The following INPP4B variants were observed in gnomAD, a reference collection of about 807,000 sequenced individuals.
INPP4B encodes the protein inositol polyphosphate-4-phosphatase type II B, also known as inositol polyphosphate 4-phosphatase type II.
Under a neutral mutation model 122.5 loss-of-function variants are expected in INPP4B, and 55 were observed. The ratio of observed to expected loss-of-function variants is 0.45; its 90% CI spans 0.36 to 0.56. INPP4B has a LOEUF of 0.56. Ranked by LOEUF, INPP4B falls within the 20% of genes least tolerant of loss-of-function variation. INPP4B has a pLI of 0.00. For missense variants in INPP4B, 1,000 were observed against 1,097.7 expected (o/e 0.91, Z 1.26); for synonymous variants, 403 against 388.7 (o/e 1.04, Z -0.43).
At chr4:142,826,337 A>T (rs1781455526) in intron 1 of INPP4B, among the ~76,000 whole-genome samples, 1 of 152,158 alleles carries the variant, frequency 6.6e-6, no homozygotes, top group African/African-American at 2.4e-5. Flanking sequence ...GACACTGCAC[A>T]AGAATCAATA....
At chr4:142,207,841 G>A (rs944282020) in intron 14 of INPP4B, among the ~76,000 whole-genome samples, 2 of 152,278 alleles carry the variant, frequency 1.3e-5, no homozygotes, top group African/African-American at 4.8e-5. Flanking sequence ...TAGAATGGTA[G>A]TAAATATGAC....
At chr4:142,757,808 A>G (rs951286689) in intron 1 of INPP4B, among the ~76,000 whole-genome samples, 5 of 152,176 alleles carry the variant, frequency 3.3e-5, no homozygotes, top group Admixed American at 1.3e-4. Flanking sequence ...GGGTAAGAAT[A>G]TATTTGGCTT....
intron 3 of INPP4B, among the ~76,000 whole-genome samples, chr4:142,442,411 C>T (rs373159003): frequency 1.3e-5 from 1 of 78,646 alleles, no homozygotes; most frequent in Non-Finnish European, 2.3e-5. Context: ...GACTCCATCT[C>T]AAAAAAAAAA....
At chr4:142,584,620 C>T (rs1174262274) in intron 2 of INPP4B, among the ~76,000 whole-genome samples, 1 of 152,100 alleles carries the variant, frequency 6.6e-6, no homozygotes, top group African/African-American at 2.4e-5. Context: ...CTCATCACAT[C>T]ATGTCAAAGG....
At chr4:142,469,119 G>A (rs1818344176) in intron 2 of INPP4B, among the ~76,000 whole-genome samples, 1 of 150,958 alleles carries the variant, frequency 6.6e-6, no homozygotes, top group South Asian at 2.1e-4. Context: ...TAGCCTTCAG[G>A]TCAACAGAAA....
intron 18 of INPP4B, among the ~76,000 whole-genome samples, chr4:142,144,739 A>T (rs901295891): frequency 6.6e-6 from 1 of 152,144 alleles, no homozygotes; most frequent in African/African-American, 2.4e-5. Context: ...AGAATACTTT[A>T]GAAAGCCATA....
intron 2 of INPP4B, among the ~76,000 whole-genome samples, chr4:142,594,231 G>T (rs1738174524): frequency 6.6e-6 from 1 of 152,014 alleles, no homozygotes; most frequent in African/African-American, 2.4e-5. Context: ...TCCCAGTGTA[G>T]ATCTTTATTC....
chr4:142,119,227 A>G (rs1249772954), intron 21 of INPP4B, among the ~76,000 whole-genome samples: 1 of 152,194 alleles, frequency 6.6e-6, no homozygotes, highest in African/African-American at 2.4e-5. Flanking sequence ...CCATTGTGGA[A>G]GACAGTGTGG....
intron 1 of INPP4B, among the ~76,000 whole-genome samples, chr4:142,825,590 T>C (rs1296446944): frequency 6.6e-6 from 1 of 152,066 alleles, no homozygotes; most frequent in Non-Finnish European, 1.5e-5. Context: ...GAAATAACCG[T>C]ACTACAAAGA....
intron 3 of INPP4B, among the ~76,000 whole-genome samples, chr4:142,450,633 C>T (rs763605628): frequency 1.2e-4 from 18 of 152,154 alleles, no homozygotes; most frequent in Non-Finnish European, 2.6e-4. Context: ...CGTTTATGTG[C>T]CATGCTCTAT....
In INPP4B at chr4:142,443,620, C is replaced by T. The variant is rs183491420; in HGVS notation, c.-126-12235G>A. On this transcript the variant is annotated intron_variant, in intron 3 of 25. Coordinates refer to ENST00000262992, the MANE Select transcript of INPP4B (RefSeq NM_001101669.3). Reference sequence around the variant, plus strand: ...ATGACGATAGAGAATGCCTCTGCCCCCGCCACCAGGCTGAGACACCAAGAA... The same window carrying T: ...ATGACGATAGAGAATGCCTCTGCCCTCGCCACCAGGCTGAGACACCAAGAA... 4.2e-3 allele frequency among the ~76,000 whole-genome samples: 644 copies of T among 152,198 alleles called. 4 individuals carry two copies. The highest frequency in any genetic ancestry group is 6.8e-3 in the Non-Finnish European group (463 of 68,026).
rs757444678 is a variant in INPP4B at position 142,502,304 on chromosome 4, G to T, written c.-190-39578C>A. 1.1e-3 allele frequency among the ~76,000 whole-genome samples: 174 copies of T among 152,190 alleles called. 1 individual carries two copies. Among genetic ancestry groups the T allele is most frequent in the Middle Eastern group, 0.01 (3 of 294 alleles). ...GGACCCAGAGCTAACATTCTTTTCT[G>T]CTGAACCCAAATTTTTAGCCTTAGC... On this transcript the variant is annotated intron_variant, in intron 2 of 25. Coordinates refer to ENST00000262992, the MANE Select transcript of INPP4B (RefSeq NM_001101669.3).
rs1737445298 is a variant in INPP4B, at chr4:142,027,713, T to C, written c.*1069A>G. The C allele has an allele frequency of 1.3e-5, 2 of 152,732 alleles. No homozygotes were observed. The highest frequency in any genetic ancestry group is 2.1e-4 in the South Asian group (1 of 4,838). 9.5% of individuals were successfully genotyped at this position (152,732 alleles called of 1,614,324 possible). A position where few individuals can be genotyped will look rare whatever the true frequency, so the allele number is the denominator to read the frequency against. ...TGAATACTGGTATTATACAAGATGA[T>C]TTTTTTAAGGAAACTTCTACTTTGG... On this transcript the variant is annotated 3_prime_UTR_variant, in exon 26 of 26. Coordinates refer to ENST00000262992, the MANE Select transcript of INPP4B (RefSeq NM_001101669.3).
At chr4:142,032,622 G>C (rs1171671724) in intron 25 of INPP4B, among the ~76,000 whole-genome samples, 1 of 152,174 alleles carries the variant, frequency 6.6e-6, no homozygotes, top group Non-Finnish European at 1.5e-5. Flanking sequence ...AGAAATAGCT[G>C]TGATATAGAT....
chr4:142,221,389 CAAA>C (rs570703001), intron 12 of INPP4B, among the ~76,000 whole-genome samples: 5 of 28,554 alleles, frequency 1.8e-4, no homozygotes, highest in African/African-American at 3.0e-4. Context: ...GACTCCTTCT[CAAA>C]AAAAAAAAAA....
At chr4:142,824,731 A>G (rs931628025) in intron 1 of INPP4B, among the ~76,000 whole-genome samples, 1 of 152,032 alleles carries the variant, frequency 6.6e-6, no homozygotes, top group East Asian at 1.9e-4. Flanking sequence ...TCTCAAAAAG[A>G]TGGTTTGATT....
At chr4:142,155,762 A>G (rs959065973) in intron 17 of INPP4B, among the ~76,000 whole-genome samples, 2 of 152,014 alleles carry the variant, frequency 1.3e-5, no homozygotes, top group Non-Finnish European at 2.9e-5. Context: ...TGTAAGGAAT[A>G]TATCAGAAGA....
At chr4:142,358,413 C>T (rs1784313868) in intron 7 of INPP4B, among the ~76,000 whole-genome samples, 1 of 151,826 alleles carries the variant, frequency 6.6e-6, no homozygotes, top group Non-Finnish European at 1.5e-5. Context: ...CAAGCACACC[C>T]AGCACCCCAA....
chr4:142,081,353 G>A (rs1396708998), intron 25 of INPP4B, among the ~76,000 whole-genome samples: 1 of 152,162 alleles, frequency 6.6e-6, no homozygotes. Context: ...CACTGTGAAT[G>A]AAGCACTTTT....
Sources: gnomAD v4.1 joint callset for allele counts (sites outside exome capture counted in the v4.1 genomes callset) on GRCh38, gnomAD v4.1.1 for gene constraint, MANE v1.5 for transcripts, NCBI Gene and HGNC (gene_info 2026-07-23, HGNC 2026-07-21) for gene names.